SPMAP2: variants seen among roughly 807,000 people sequenced by gnomAD.
SPMAP2 encodes Theg homolog.
At chr19:372,545 T>C in the SPMAP2 span, 1 of 1,415,730 alleles carries the variant, frequency 7.1e-7, no homozygotes, top group African/African-American at 1.4e-5. Flanking sequence ...CTGGACCCTT[T>C]CCCACACAGC....
At chr19:364,982 A>G in the SPMAP2 span, among the ~76,000 whole-genome samples, 1 of 152,200 alleles carries the variant, frequency 6.6e-6, no homozygotes, top group Non-Finnish European at 1.5e-5. Context: ...AGGGCTACCC[A>G]CTTCTTGGCA....
chr19:373,789 C>T, the SPMAP2 span: 1 of 785,270 alleles, frequency 1.3e-6, no homozygotes, highest in Non-Finnish European at 2.1e-6. Context: ...GGGAGCAGAC[C>T]CAGGTCACAA....
chr19:373,512 C>A, the SPMAP2 span: 2 of 1,613,186 alleles, frequency 1.2e-6, no homozygotes, highest in South Asian at 1.1e-5. Flanking sequence ...AGGAACCGCT[C>A]GGTCCAGTAC....
the SPMAP2 span, chr19:373,442 G>T: frequency 6.2e-7 from 1 of 1,611,452 alleles, no homozygotes; most frequent in Non-Finnish European, 8.5e-7. Flanking sequence ...CGGGGGCAGG[G>T]GTCTCAGCAG....
At chr19:367,270 T>A in the SPMAP2 span, 1 of 1,525,582 alleles carries the variant, frequency 6.6e-7, no homozygotes, top group South Asian at 1.3e-5. Context: ...CAGTCCATGA[T>A]GCCTCGTGGG....
chr19:364,751 G>A, the SPMAP2 span, among the ~76,000 whole-genome samples: 1 of 151,230 alleles, frequency 6.6e-6, no homozygotes, highest in African/African-American at 2.4e-5. Context: ...CCCTCCTCCT[G>A]GTACCCCCTT....
At chr19:364,199 T>A in the SPMAP2 span, among the ~76,000 whole-genome samples, 4 of 148,322 alleles carry the variant, frequency 2.7e-5, no homozygotes, top group East Asian at 5.9e-4. Context: ...TAGCCGGGCG[T>A]GGTGGCGGCT....
the SPMAP2 span, chr19:367,356 T>C: frequency 2.3e-6 from 2 of 871,022 alleles, no homozygotes; most frequent in Non-Finnish European, 3.4e-6. Context: ...TTGTAATGTA[T>C]TCATGAAAGG....
At chr19:371,446 G>C in the SPMAP2 span, 1 of 488,728 alleles carries the variant, frequency 2.0e-6, no homozygotes, top group East Asian at 3.2e-5. Context: ...ATATGTGTCT[G>C]TCTGTCTTTC....
At chr19:374,434 T>C in the SPMAP2 span, 3 of 1,613,984 alleles carry the variant, frequency 1.9e-6, no homozygotes, top group South Asian at 1.1e-5. Flanking sequence ...TTGGGAGAAT[T>C]CCACGTTGAA....
the SPMAP2 span, among the ~76,000 whole-genome samples, chr19:365,923 A>T: frequency 6.6e-6 from 1 of 152,116 alleles, no homozygotes; most frequent in East Asian, 1.9e-4. Flanking sequence ...TGGGCGGATC[A>T]TGAGGTCAGG....
the SPMAP2 span, chr19:374,438 C>T: frequency 2.9e-5 from 47 of 1,613,812 alleles, no homozygotes; most frequent in South Asian, 7.7e-5. Flanking sequence ...GAGAATTCCA[C>T]GTTGAAGTTG....
chr19:373,369 A>AT, the SPMAP2 span: 1 of 1,123,710 alleles, frequency 8.9e-7, no homozygotes, highest in South Asian at 1.3e-5. Context: ...CTCCGAGGAG[A>AT]TGGGGCAAGG....
the SPMAP2 span, among the ~76,000 whole-genome samples, chr19:366,390 G>A: frequency 1.3e-5 from 2 of 152,086 alleles, no homozygotes; most frequent in South Asian, 2.1e-4. Context: ...GTTTATACTC[G>A]CCGTGTGTGT....
the SPMAP2 span, among the ~76,000 whole-genome samples, chr19:370,831 TGCGGGGTTCAGACTTTCGGAAAA>T: frequency 6.8e-6 from 1 of 147,686 alleles, no homozygotes; most frequent in African/African-American, 2.5e-5. Context: ...GCCCGCAGGC[TGCGGGGTTCAGACTTTCGGAAAA>T]GCAAAAGGTA....
At chr19:367,042 C>T in the SPMAP2 span, 1 of 1,612,066 alleles carries the variant, frequency 6.2e-7, no homozygotes, top group Non-Finnish European at 8.5e-7. Flanking sequence ...TCAGGAAATG[C>T]CTAGCCTGAG....
At chr19:366,141 A>G in the SPMAP2 span, among the ~76,000 whole-genome samples, 1 of 148,450 alleles carries the variant, frequency 6.7e-6, no homozygotes, top group Non-Finnish European at 1.5e-5. Context: ...CTCCATCTCA[A>G]AAAAAAAAAA....
the SPMAP2 span, among the ~76,000 whole-genome samples, chr19:372,294 T>C: frequency 1.3e-5 from 2 of 152,272 alleles, no homozygotes; most frequent in African/African-American, 4.8e-5. Flanking sequence ...TCTTAGAATT[T>C]CCACCTTTTT....
the SPMAP2 span, chr19:371,369 G>GTGTGTGTGTGTGTGT: frequency 1.2e-6 from 1 of 801,684 alleles, no homozygotes; most frequent in African/African-American, 2.1e-5. Flanking sequence ...CGGGGGTGGG[G>GTGTGTGTGTGTGTGT]GTGTGTGTGT....
Sources: gnomAD v4.1 joint callset for allele counts (sites outside exome capture counted in the v4.1 genomes callset) on GRCh38, gnomAD v4.1.1 for gene constraint, MANE v1.5 for transcripts, NCBI Gene and HGNC (gene_info 2026-07-23, HGNC 2026-07-21) for gene names.